Variants in PRKCA observed in about 807,000 individuals in gnomAD.
The protein encoded by PRKCA is protein kinase C alpha, also known as protein kinase C alpha type.
A neutral mutation model predicts 87.0 loss-of-function variants in PRKCA; 27 were observed. The observed-to-expected ratio is 0.31, with a 90% CI of 0.23 to 0.43. The LOEUF (loss-of-function observed/expected upper bound fraction) is 0.43. Among genes scored for constraint, PRKCA ranks in the 20% least tolerant of loss-of-function variants. The pLI, the probability that PRKCA is intolerant of heterozygous loss-of-function variation, is 1.00. For missense variants in PRKCA, 518 were observed against 852.3 expected (o/e 0.61, Z 4.88); for synonymous variants, 329 against 311.1 (o/e 1.06, Z -0.61).
rs1289328070 is a variant in PRKCA at position 66,641,344 on chromosome 17, TCTC to T, written c.289-6_289-4del. 6.2e-7 allele frequency: 1 copy of T among 1,601,100 alleles called. No individual in the cohort carries two copies. ...TGACTAAAATGAGCATTGTGCTTCT[TCTC>T]CTCCCAGGACCCCAGGAGCAAGCAC... On this transcript the variant is annotated splice_polypyrimidine_tract_variant and splice_region_variant and intron_variant, in intron 3 of 16. Coordinates refer to ENST00000413366, the MANE Select transcript of PRKCA (RefSeq NM_002737.3).
intron 8 of PRKCA, among the ~76,000 whole-genome samples, chr17:66,726,810 C>T (rs988226363): frequency 2.0e-5 from 3 of 151,820 alleles, no homozygotes; most frequent in African/African-American, 2.4e-5. Context: ...CTGCAACCTT[C>T]GCCTCCTGGG....
At chr17:66,710,010 G>A (rs932690016) in intron 8 of PRKCA, among the ~76,000 whole-genome samples, 2 of 152,120 alleles carry the variant, frequency 1.3e-5, no homozygotes, top group Middle Eastern at 3.2e-3. Context: ...CCAGGACCCC[G>A]TCATGTGAAC....
intron 3 of PRKCA, among the ~76,000 whole-genome samples, chr17:66,554,283 T>C (rs1968431274): frequency 6.6e-6 from 1 of 150,926 alleles, no homozygotes; most frequent in African/African-American, 2.4e-5. Flanking sequence ...TCTCAAAAAA[T>C]AGCCTTGGAC....
chr17:66,774,748 G>A, intron 14 of PRKCA: 5 of 985,680 alleles, frequency 5.1e-6, no homozygotes, highest in Non-Finnish European at 4.8e-6. Flanking sequence ...CTGCCAATGT[G>A]TGTAATTAGT....
At position 66,523,157 on chromosome 17, in the gene PRKCA, C is replaced by T. The variant is rs142888098; in HGVS notation, c.288+26874C>T. 5.5e-3 allele frequency among the ~76,000 whole-genome samples: 838 copies of T among 152,266 alleles called. 6 individuals carry two copies. Among genetic ancestry groups the T allele is most frequent in the African/African-American group, 0.019 (789 of 41,550 alleles). On this transcript the variant is annotated intron_variant, in intron 3 of 16. Transcript: ENST00000413366. ...GGTTCTGGTCACACTGTCATTCTGG[C>T]TGCAGAAGAAGAAGCAAGATGAGTC...
At chr17:66,584,495 G>T (rs1969535256) in intron 3 of PRKCA, among the ~76,000 whole-genome samples, 1 of 152,086 alleles carries the variant, frequency 6.6e-6, no homozygotes, top group African/African-American at 2.4e-5. Flanking sequence ...CAAAGTGCTG[G>T]GATTACAGGC....
chr17:66,562,561 A>G (rs1188690171), intron 3 of PRKCA, among the ~76,000 whole-genome samples: 1 of 151,474 alleles, frequency 6.6e-6, no homozygotes, highest in Non-Finnish European at 1.5e-5. Flanking sequence ...ATTCCAGTGT[A>G]TGTGAAAATA....
chr17:66,458,353 A>T (rs1445275918), intron 2 of PRKCA, among the ~76,000 whole-genome samples: 5 of 152,210 alleles, frequency 3.3e-5, no homozygotes, highest in African/African-American at 1.2e-4. Context: ...AGCTTCCTGG[A>T]ACACAGCCTA....
At chr17:66,794,716 G>T (rs1456102801) in intron 16 of PRKCA, among the ~76,000 whole-genome samples, 1 of 151,428 alleles carries the variant, frequency 6.6e-6, no homozygotes, top group Non-Finnish European at 1.5e-5. Flanking sequence ...CACCTCCCAG[G>T]TTCAAGCAAT....
At chr17:66,550,434 T>G (rs531764588) in intron 3 of PRKCA, among the ~76,000 whole-genome samples, 143 of 152,282 alleles carry the variant, frequency 9.4e-4, no homozygotes, top group African/African-American at 3.4e-3. Flanking sequence ...GTAGATCACC[T>G]GAGTTCAGGA....
chr17:66,618,507 A>G (rs1314823538), intron 3 of PRKCA, among the ~76,000 whole-genome samples: 3 of 152,178 alleles, frequency 2.0e-5, no homozygotes, highest in African/African-American at 7.2e-5. Flanking sequence ...TTTGGGGCCC[A>G]TTATAATGAA....
chr17:66,585,351 G>A (rs531413619), intron 3 of PRKCA, among the ~76,000 whole-genome samples: 12 of 152,258 alleles, frequency 7.9e-5, no homozygotes, highest in East Asian at 1.9e-4. Flanking sequence ...GCATTCACCC[G>A]TGCAAGCTTC....
intron 11 of PRKCA, among the ~76,000 whole-genome samples, chr17:66,739,900 G>A (rs1426602370): frequency 6.6e-6 from 1 of 152,126 alleles, no homozygotes; most frequent in Non-Finnish European, 1.5e-5. Context: ...AGCTCTCTGG[G>A]GGAAGAAGGA....
At chr17:66,661,953 C>T (rs751568754) in intron 5 of PRKCA, among the ~76,000 whole-genome samples, 3 of 152,206 alleles carry the variant, frequency 2.0e-5, no homozygotes, top group Non-Finnish European at 4.4e-5. Flanking sequence ...CAGACCCTCA[C>T]CCCTTACCCC....
At chr17:66,667,659 C>T (rs1972075987) in intron 5 of PRKCA, among the ~76,000 whole-genome samples, 1 of 152,158 alleles carries the variant, frequency 6.6e-6, no homozygotes, top group African/African-American at 2.4e-5. Flanking sequence ...GAACCACATT[C>T]AAAAGCCACC....
At chr17:66,663,995 G>A (rs1003902074) in intron 5 of PRKCA, among the ~76,000 whole-genome samples, 1 of 151,948 alleles carries the variant, frequency 6.6e-6, no homozygotes, top group Non-Finnish European at 1.5e-5. Flanking sequence ...AGCCTCCTGA[G>A]TAGCTGGAAC....
chr17:66,809,285 C>A lies in PRKCA; in HGVS notation c.*5248C>A, dbSNP rs1244419665. On this transcript the variant is annotated 3_prime_UTR_variant, in exon 17 of 17. Transcript: ENST00000413366. Reference sequence around the variant, plus strand: ...GTCAACAGTATGAAGGATTCTGACCCCTGTGCCTCCCATTTATGTGATCAG... The same window carrying A: ...GTCAACAGTATGAAGGATTCTGACCACTGTGCCTCCCATTTATGTGATCAG... 5.2e-5 allele frequency: 8 copies of A among 152,542 alleles called. No homozygotes were observed. The highest frequency in any genetic ancestry group is 8.8e-5 in the Non-Finnish European group (6 of 68,050). The allele number at this position is 152,542 out of a possible 1,614,324, so 9.4% of individuals were successfully genotyped here.
intron 2 of PRKCA, among the ~76,000 whole-genome samples, chr17:66,399,324 G>A (rs368330568): frequency 6.6e-6 from 1 of 151,832 alleles, no homozygotes; most frequent in Non-Finnish European, 1.5e-5. Flanking sequence ...CAAGTGATCC[G>A]CCCACATTGG....
At chr17:66,392,299 A>G (rs1407139824) in intron 2 of PRKCA, among the ~76,000 whole-genome samples, 1 of 152,104 alleles carries the variant, frequency 6.6e-6, no homozygotes, top group Non-Finnish European at 1.5e-5. Context: ...GGGAAAAGTT[A>G]CTTTCCAAAA....
Sources: gnomAD v4.1 joint callset for allele counts (sites outside exome capture counted in the v4.1 genomes callset) on GRCh38, gnomAD v4.1.1 for gene constraint, MANE v1.5 for transcripts, NCBI Gene and HGNC (gene_info 2026-07-23, HGNC 2026-07-21) for gene names.